HNRNPUL2: variants seen among roughly 807,000 people sequenced by gnomAD.
The protein encoded by HNRNPUL2 is heterogeneous nuclear ribonucleoprotein U like 2, also known as heterogeneous nuclear ribonucleoprotein U-like protein 2.
Under a neutral mutation model 102.2 loss-of-function variants are expected in HNRNPUL2, and 27 were observed. The observed-to-expected ratio is 0.26, with a 90% CI of 0.19 to 0.36. The LOEUF is 0.36. HNRNPUL2 is among the 10% of genes least tolerant of loss of function. HNRNPUL2 has a pLI of 1.00. For synonymous variants in HNRNPUL2, 458 were observed against 387.2 expected (o/e 1.18, Z -2.15); for missense variants, 936 against 981.1 (o/e 0.95, Z 0.61).
At chr11:62,726,158 G>C (rs1441392776) in intron 1 of HNRNPUL2, among the ~76,000 whole-genome samples, 2 of 152,166 alleles carry the variant, frequency 1.3e-5, no homozygotes, top group Non-Finnish European at 2.9e-5. Context: ...CTGGTAACAT[G>C]CTTTTAATGG....
At chr11:62,718,402 T>C (rs2083676128) in intron 10 of HNRNPUL2, among the ~76,000 whole-genome samples, 1 of 152,188 alleles carries the variant, frequency 6.6e-6, no homozygotes, top group Non-Finnish European at 1.5e-5. Context: ...ATCTGAACCA[T>C]AATAATCTCT....
Position 62,727,157 on chromosome 11 carries a change from C to G in HNRNPUL2, c.-1G>C. 7.0e-7 allele frequency: 1 copy of G among 1,427,546 alleles called. No homozygotes were observed. Among genetic ancestry groups the G allele is most frequent in the South Asian group, 1.4e-5 (1 of 73,226 alleles). The allele number at this position is 1,427,546 out of a possible 1,614,324, so 88.4% of individuals were successfully genotyped here. On this transcript the variant is annotated 5_prime_UTR_variant, in exon 1 of 14. Coordinates refer to ENST00000301785, the MANE Select transcript of HNRNPUL2 (RefSeq NM_001079559.3). Reference sequence around the variant, plus strand: ...TCACTTTCAGCCGCTTCACCTCCATCGCCGCCGCCGCCTCCTCCGCCTCCC... The same window carrying G: ...TCACTTTCAGCCGCTTCACCTCCATGGCCGCCGCCGCCTCCTCCGCCTCCC...
rs1032261728 is a variant in HNRNPUL2, at chr11:62,727,390, A to T, written c.-234T>A. 2.3e-6 allele frequency: 1 copy of T among 426,662 alleles called. No individual in the cohort carries two copies. The highest frequency in any genetic ancestry group is 4.7e-5 in the East Asian group (1 of 21,448). The allele number at this position is 426,662 out of a possible 1,614,324, so 26.4% of individuals were successfully genotyped here. A position where few individuals can be genotyped will look rare whatever the true frequency, so the allele number is the denominator to read the frequency against. On this transcript the variant is annotated 5_prime_UTR_variant, in exon 1 of 14. Coordinates refer to ENST00000301785, the MANE Select transcript of HNRNPUL2 (RefSeq NM_001079559.3). ...CGGCTCACGGAGCCCAAAACAACGC[A>T]GCAGGGAGCTGTTTCCCCTCCAGGC...
rs1422503572 is a variant in HNRNPUL2, at chr11:62,724,998, T to G, written c.539-572A>C. On this transcript the variant is annotated intron_variant, in intron 1 of 13. Transcript: ENST00000301785. ...TTTATCAGGGACTTCTACTGAAAGT[T>G]GCAAGAGCAAACCACTAAGTCACAA... is the stretch of plus-strand genomic sequence containing the variant. 2.6e-5 allele frequency among the ~76,000 whole-genome samples: 4 copies of G among 152,202 alleles called. No individual in the cohort carries two copies. The East Asian group carries it at 7.7e-4, about 29-fold the overall frequency.
chr11:62,720,843 G>A (rs995772958), intron 9 of HNRNPUL2, among the ~76,000 whole-genome samples: 5 of 134,712 alleles, frequency 3.7e-5, no homozygotes, highest in Admixed American at 3.2e-4. Context: ...CAGCCTGGGC[G>A]ACAGAGCGAG....
chr11:62,714,894 A>T lies in HNRNPUL2; in HGVS notation c.*405T>A. The T allele has an allele frequency of 5.7e-6, 1 of 176,972 alleles. No homozygotes were observed. Among genetic ancestry groups the T allele is most frequent in the Non-Finnish European group, 1.2e-5 (1 of 83,588 alleles). The allele number at this position is 176,972 out of a possible 1,614,324, so 11.0% of individuals were successfully genotyped here. ...CTCCCCACCCTCCCCACACCACCTC[A>T]TCACTCTCCTTTACTTGGCTGCCAG... is the stretch of plus-strand genomic sequence containing the variant. On this transcript the variant is annotated 3_prime_UTR_variant, in exon 14 of 14. Transcript: ENST00000301785.
chr11:62,726,587 G>T, intron 1 of HNRNPUL2, 32 bp downstream of exon 1: 1 of 1,500,796 alleles, frequency 6.7e-7, no homozygotes, highest in Non-Finnish European at 8.9e-7. Context: ...CAGCCGGCAG[G>T]TTGGAGCCGG....
intron 10 of HNRNPUL2, 65 bp downstream of exon 10, chr11:62,719,958 T>C: frequency 6.9e-7 from 1 of 1,453,884 alleles, no homozygotes; most frequent in Non-Finnish European, 9.6e-7. Context: ...AAACCTCTAT[T>C]ACTTACAAAT....
In HNRNPUL2 at chr11:62,714,395, A is replaced by G. The variant is rs1360758916; in HGVS notation, c.*904T>C. 6.6e-6 allele frequency: 1 copy of G among 152,114 alleles called. No homozygotes were observed. The highest frequency in any genetic ancestry group is 1.9e-4 in the East Asian group (1 of 5,202). 9.4% of individuals were successfully genotyped at this position (152,114 alleles called of 1,614,324 possible). On this transcript the variant is annotated 3_prime_UTR_variant, in exon 14 of 14. Coordinates refer to ENST00000301785, the MANE Select transcript of HNRNPUL2 (RefSeq NM_001079559.3). ...ACTGTAAGAGGACAGACACTCTAAC[A>G]GGGATGATTTCAGAGACCTCCCACC...
Position 62,722,140 on chromosome 11 carries a change from G to A in HNRNPUL2, c.1336C>T (p.Pro446Ser), listed in dbSNP as rs2083707613. The A allele has an allele frequency of 2.5e-6, 4 of 1,614,038 alleles. No individual in the cohort carries two copies. The East Asian group carries it at 6.7e-5, about 27-fold the overall frequency. The stretch of plus-strand genomic sequence containing the variant: ...ACCTCACATTCCTCTATGGTCTTGG[G>A]AGGGACTGCAGTGCGTACACGCTCC... Reference protein sequence around the residue: ...VEERVRTAVPPKTIEECEVIL... With the variant: ...VEERVRTAVPSKTIEECEVIL... Residue 446 changes from proline to serine, a missense_variant, in exon 7 of 14, where the codon CCC becomes TCC. By Grantham distance (74) the Pro-to-Ser change is moderately conservative. Transcript: ENST00000301785.
Position 62,727,006 on chromosome 11 carries a change from C to A in HNRNPUL2, c.151G>T (p.Ala51Ser). 1 of 1,362,446 alleles carries A rather than the reference C, an allele frequency of 7.3e-7. No homozygotes were observed. Among genetic ancestry groups the A allele is most frequent in the African/African-American group, 1.5e-5 (1 of 65,870 alleles). 84.4% of individuals were successfully genotyped at this position (1,362,446 alleles called of 1,614,324 possible). ...GCCTTGCAGGCCCCGCCGGGCCCGGCCCCGCCGCCGCCGGCCTCGTCCTCG... is the reference window on the plus strand; with the variant it reads ...GCCTTGCAGGCCCCGCCGGGCCCGGACCCGCCGCCGCCGGCCTCGTCCTCG... ...MLEDEAGGGG[A>S]GPGGACKAEP... Residue 51 changes from alanine (A) to serine (S), a missense_variant, in exon 1 of 14, where the codon GCC (alanine) becomes TCC (serine). Coordinates refer to ENST00000301785, the MANE Select transcript of HNRNPUL2 (RefSeq NM_001079559.3).
rs758917551 is a variant in HNRNPUL2, at chr11:62,726,865, G to C, written c.292C>G (p.Pro98Ala). The stretch of plus-strand genomic sequence containing the variant: ...GCCTGACCCAAGGCTTGAGCAGGGG[G>C]TGGCTCCTCGTCCTCGTCCTCAAGC... ...ALLEDEDEEP[P>A]PAQALGQAAQ... The change falls in exon 1 of 14, where the codon CCC becomes GCC. Residue 98 changes from proline to alanine, a missense_variant. Around this residue, in one of 2 missense-constraint regions of HNRNPUL2, gnomAD observed 327 missense variants for 268.1 expected, o/e 1.22. Transcript: ENST00000301785. 32 of 1,583,326 alleles carry C rather than the reference G, an allele frequency of 2.0e-5. No homozygotes were observed. The highest frequency in any genetic ancestry group is 2.7e-5 in the Non-Finnish European group (32 of 1,173,234).
intron 2 of HNRNPUL2, 106 bp from the exon 3 acceptor site, chr11:62,724,096 A>C (rs529918150): frequency 1.2e-5 from 15 of 1,200,552 alleles, no homozygotes; most frequent in Non-Finnish European, 7.3e-6. Flanking sequence ...GTGAATATCA[A>C]ATCCCAGCAG....
chr11:62,724,562 A>G, intron 1 of HNRNPUL2, 136 bp from the exon 2 acceptor site: 1 of 931,652 alleles, frequency 1.1e-6, no homozygotes, highest in South Asian at 1.8e-5. Flanking sequence ...ACATTCACAT[A>G]ACATTTTATT....
At position 62,723,910 on chromosome 11, in the gene HNRNPUL2, A is replaced by C. The variant is rs772548937; in HGVS notation, c.751+4T>G. On this transcript the variant is annotated splice_donor_region_variant and intron_variant, in intron 3 of 13. Transcript: ENST00000301785. The stretch of plus-strand genomic sequence containing the variant: ...AAACCACAGTCTGTCTGCCTTATAC[A>C]TACACGTGTCCAGGTTCACAAGAGT... 1.2e-6 allele frequency: 2 copies of C among 1,613,474 alleles called. No individual in the cohort carries two copies. Among genetic ancestry groups the C allele is most frequent in the Admixed American group, 3.3e-5 (2 of 59,992 alleles).
rs773747391 is a variant in HNRNPUL2, at chr11:62,722,076, C to T, written c.1359+41G>A. On this transcript the variant is annotated intron_variant, in intron 7 of 13. Coordinates refer to ENST00000301785, the MANE Select transcript of HNRNPUL2 (RefSeq NM_001079559.3). ...TGGAGAGCATACGCACCCACCTCTGCAAAGCATACAACCTCAGTGTTCGTA... is the reference window on the plus strand; with the variant it reads ...TGGAGAGCATACGCACCCACCTCTGTAAAGCATACAACCTCAGTGTTCGTA... 4.4e-6 allele frequency: 7 copies of T among 1,605,228 alleles called. No individual in the cohort carries two copies. The East Asian group carries it at 1.6e-4, about 36-fold the overall frequency.
At chr11:62,724,157 T>G in intron 2 of HNRNPUL2, 134 bp downstream of exon 2, 1 of 1,260,826 alleles carries the variant, frequency 7.9e-7, no homozygotes, top group South Asian at 1.4e-5. Flanking sequence ...CCATGGTAGA[T>G]GCAATCTAAA....
Position 62,721,355 on chromosome 11 carries a change from C to T in HNRNPUL2, c.1551G>A (p.Gln517=). The T allele has an allele frequency of 6.2e-7, 1 of 1,610,808 alleles. No individual in the cohort carries two copies. Among genetic ancestry groups the T allele is most frequent in the Non-Finnish European group, 8.5e-7 (1 of 1,178,960 alleles). ...SRDLLVQQAS[Q]CLSKLVQIAS... is the part of the protein sequence containing the mutation. Reference sequence around the variant, plus strand: ...CAATCTGGACCAGCTTACTAAGGCACTGGGAGGCTTGCTGAACTAAAAGGT... The same window carrying T: ...CAATCTGGACCAGCTTACTAAGGCATTGGGAGGCTTGCTGAACTAAAAGGT... Residue 517 remains glutamine (Q), a synonymous_variant, in exon 9 of 14, where the codon CAG becomes CAA. Coordinates refer to ENST00000301785, the MANE Select transcript of HNRNPUL2 (RefSeq NM_001079559.3).
Position 62,721,866 on chromosome 11 carries a change from T to G in HNRNPUL2, c.1436A>C (p.Lys479Thr). 1 of 1,614,218 alleles carries G rather than the reference T, an allele frequency of 6.2e-7. No individual in the cohort carries two copies. Among genetic ancestry groups the G allele is most frequent in the African/African-American group, 1.3e-5 (1 of 75,060 alleles). The change falls in exon 8 of 14, where the codon AAA (lysine) becomes ACA (threonine). Residue 479 changes from lysine (K) to threonine (T), a missense_variant. By Grantham distance (78) the Lys-to-Thr change is moderately conservative. This residue lies in a region of HNRNPUL2 where 609 missense variants were observed against 713.0 expected (regional missense o/e 0.85). Transcript: ENST00000301785. ...ALKYAKENPEKRYNVLGAETV... is the reference protein window; with the variant it reads ...ALKYAKENPETRYNVLGAETV... ...CTCAGCTCCCAGGACATTGTATCTT[T>G]TCTCAGGGTTTTCTTTTGCATATTT...
Sources: gnomAD v4.1 joint callset for allele counts (sites outside exome capture counted in the v4.1 genomes callset) on GRCh38, gnomAD v4.1.1 for gene constraint, gnomAD v4.1.1 regional missense constraint, MANE v1.5 for transcripts, NCBI Gene and HGNC (gene_info 2026-07-23, HGNC 2026-07-21) for gene names.